The following FAN1 variants were observed in gnomAD, a reference collection of about 807,000 sequenced individuals.
The protein encoded by FAN1 is fanconi-associated nuclease 1.
In FAN1, 91 loss-of-function variants were observed where a neutral mutation model predicts 104.9. That is an observed-to-expected ratio of 0.87 (90% CI 0.73 to 1.03). The LOEUF (loss-of-function observed/expected upper bound fraction) is 1.03, where lower values mean the gene tolerates loss of function less well. Ranked by LOEUF, FAN1 falls within the 50% of genes least tolerant of loss-of-function variation. FAN1 has a pLI of 0.00. For synonymous variants in FAN1, 478 were observed against 457.6 expected, an observed-to-expected ratio of 1.04 and a Z score of -0.57; for missense variants, 1,263 against 1,239.9, an observed-to-expected ratio of 1.02 and a Z score of -0.28.
rs370522157 is a variant in FAN1 at position 30,913,849 on chromosome 15, A to G, written c.1578-9A>G. On this transcript the variant is annotated splice_polypyrimidine_tract_variant and intron_variant, in intron 4 of 14. Transcript: ENST00000362065. ...GCTAAAAGTTATTTCTACATTGTAC[A>G]TTTTTCAGAGCCAAAGCCTTGGCTG... The G allele has an allele frequency of 1.3e-5, 21 of 1,578,056 alleles. No individual in the cohort carries two copies. In the African/African-American group the frequency reaches 2.3e-4, roughly 17 times the overall value.
At chr15:30,906,008 T>C in intron 2 of FAN1, 111 bp downstream of exon 2, 1 of 987,830 alleles carries the variant, frequency 1.0e-6, no homozygotes, top group South Asian at 1.5e-5. Context: ...ACTGTGGTGT[T>C]GTGAGCACCC....
intron 5 of FAN1, 48 bp from the exon 6 acceptor site, chr15:30,918,116 A>AT: frequency 2.7e-5 from 44 of 1,606,354 alleles, no homozygotes; most frequent in Non-Finnish European, 3.7e-5. Context: ...TGGTCATTCT[A>AT]TGGGAATGCT....
rs1200398598 is a variant in FAN1, at chr15:30,942,630, T to TA, written c.*1071dup. 2 of 443,272 alleles carry TA rather than the reference T, an allele frequency of 4.5e-6. No homozygotes were observed. The highest frequency in any genetic ancestry group is 4.0e-5 in the African/African-American group (2 of 49,742). The allele number at this position is 443,272 out of a possible 1,614,324, so 27.5% of individuals were successfully genotyped here. A position where few individuals can be genotyped will look rare whatever the true frequency, so the allele number is the denominator to read the frequency against. Reference sequence around the variant, plus strand: ...GCGGCTTGAATCATCAAGAAATGGATAAATGGGGCTTTAGTAAATCAGGCT... The same window carrying TA: ...GCGGCTTGAATCATCAAGAAATGGATAAAATGGGGCTTTAGTAAATCAGGCT... On this transcript the variant is annotated 3_prime_UTR_variant, in exon 15 of 15. Transcript: ENST00000362065.
chr15:30,913,487 C>A (rs1187064567), intron 4 of FAN1, among the ~76,000 whole-genome samples: 1 of 152,166 alleles, frequency 6.6e-6, no homozygotes, highest in Non-Finnish European at 1.5e-5. Context: ...TAAAGAAATA[C>A]CATTATTTAA....
rs932887948 is a variant in FAN1 at position 30,919,475 on chromosome 15, G to A, written c.1944-1070G>A. On this transcript the variant is annotated intron_variant, in intron 6 of 14. Transcript: ENST00000362065. ...GGAGGCAGAGGTGAGTGGATCACTT[G>A]AGGTCAGGAGTTCGAGACTAGCCTG... Among the ~76,000 whole-genome samples the A allele has an allele frequency of 2.6e-5, 4 of 151,508 alleles. 1 individual carries two copies. Among genetic ancestry groups the A allele is most frequent in the Admixed American group, 2.0e-4 (3 of 15,212 alleles).
At position 30,939,793 on chromosome 15, in the gene FAN1, TAAG is replaced by T. The variant is rs2062978032; in HGVS notation, c.*4-1772_*4-1770del. 3.0e-6 allele frequency: 3 copies of T among 985,244 alleles called. No homozygotes were observed. In the African/African-American group the frequency reaches 5.2e-5, roughly 17 times the overall value. 61.0% of individuals were successfully genotyped at this position (985,244 alleles called of 1,614,324 possible). A position where few individuals can be genotyped will look rare whatever the true frequency, so the allele number is the denominator to read the frequency against. On this transcript the variant is annotated intron_variant, in intron 14 of 14. Transcript: ENST00000362065. ...AATGGCAGGATACGCTGTGGTGTTA[TAAG>T]GAGATTGGGTCTGGTTTCTAATCAA...
In FAN1 at chr15:30,905,508, G is replaced by A; in HGVS notation, c.845G>A (p.Ser282Asn). Residue 282 changes from serine to asparagine, a missense_variant, in exon 2 of 15, where the codon AGT becomes AAT. Physicochemically the swap from Ser to Asn is conservative, Grantham distance 46. This residue lies in a region of FAN1 where 682 missense variants were observed against 571.1 expected (regional missense o/e 1.19). Transcript: ENST00000362065. The part of the protein sequence containing the change: ...RNTLKSTSED[S>N]LVKQECIKEV... ...ACATTAAAGTCTACTTCAGAAGACA[G>A]TCTTGTAAAGCAAGAGTGTATCAAA... The A allele has an allele frequency of 1.2e-6, 2 of 1,614,084 alleles. No homozygotes were observed. The highest frequency in any genetic ancestry group is 1.7e-6 in the Non-Finnish European group (2 of 1,179,956).
intron 10 of FAN1, chr15:30,926,996 T>C (rs1423615273): frequency 1.0e-6 from 1 of 985,322 alleles, no homozygotes. Flanking sequence ...ATAACACAAA[T>C]GCACAGCATG....
intron 5 of FAN1, among the ~76,000 whole-genome samples, chr15:30,917,248 G>A (rs963299901): frequency 1.5e-4 from 23 of 152,240 alleles, no homozygotes; most frequent in African/African-American, 5.5e-4. Context: ...GTTGGTGCTG[G>A]AGGCGTCAGT....
rs1555403053 is a variant in FAN1, at chr15:30,929,717, T to TATA, written c.2787+321_2787+323dup. ...AAAATATATATTATATCATATATAA[T>TATA]ATATATAAAATATATAATATATTAT... is the stretch of plus-strand genomic sequence containing the variant. On this transcript the variant is annotated intron_variant, in intron 12 of 14. Transcript: ENST00000362065. Among the ~76,000 whole-genome samples, 53 of 64,328 alleles carry TATA rather than the reference T, an allele frequency of 8.2e-4. 2 individuals are homozygous for TATA. The highest frequency in any genetic ancestry group is 6.8e-3 in the Middle Eastern group (1 of 148). The allele number at this position is 64,328 out of a possible 152,430, so 42.2% of individuals were successfully genotyped here. A position where few individuals can be genotyped will look rare whatever the true frequency, so the allele number is the denominator to read the frequency against.
At chr15:30,928,001 T>A (rs889093653) in intron 10 of FAN1, 6 of 985,744 alleles carry the variant, frequency 6.1e-6, no homozygotes, top group Admixed American at 1.2e-4. Flanking sequence ...AAGCCTTGAC[T>A]ATCGGAAGCA....
Position 30,905,009 on chromosome 15 carries a change from T to A in FAN1, c.346T>A (p.Ser116Thr), listed in dbSNP as rs747262572. ...KTNLTPGQSD[S>T]AKREVKQKIS... The stretch of plus-strand genomic sequence containing the variant: ...AAATTTAACCCCTGGCCAAAGTGAT[T>A]CAGCAAAAAGGGAAGTAAAGCAGAA... The change falls in exon 2 of 15, where the codon TCA (serine) becomes ACA (threonine). Residue 116 changes from serine to threonine, a missense_variant. Ser to Thr is a moderately conservative substitution (Grantham distance 58). This residue lies in a region of FAN1 where 682 missense variants were observed against 571.1 expected (regional missense o/e 1.19). Transcript: ENST00000362065. The A allele has an allele frequency of 5.6e-6, 9 of 1,613,898 alleles. No individual in the cohort carries two copies. Among genetic ancestry groups the A allele is most frequent in the Non-Finnish European group, 7.6e-6 (9 of 1,180,008 alleles).
chr15:30,940,374 C>A (rs1435650547), intron 14 of FAN1: 3 of 985,388 alleles, frequency 3.0e-6, no homozygotes, highest in Non-Finnish European at 3.6e-6. Context: ...GCACTTCTGT[C>A]GCTATTCAAA....
chr15:30,913,819 A>G, intron 4 of FAN1, 39 bp from the exon 5 acceptor site: 1 of 1,381,942 alleles, frequency 7.2e-7, no homozygotes, highest in Non-Finnish European at 1.0e-6. Context: ...CCAAATGCTT[A>G]AAAAGCTAAA....
intron 13 of FAN1, 139 bp downstream of exon 13, chr15:30,930,810 G>C: frequency 9.4e-7 from 1 of 1,060,174 alleles, no homozygotes; most frequent in Non-Finnish European, 1.4e-6. Flanking sequence ...CTGGGTTCCT[G>C]TGGGCCTGTC....
Position 30,925,178 on chromosome 15 carries a change from C to T in FAN1, c.2224C>T (p.His742Tyr), listed in dbSNP as rs202237188. 2.5e-6 allele frequency: 4 copies of T among 1,614,018 alleles called. No individual in the cohort carries two copies. Among genetic ancestry groups the T allele is most frequent in the Middle Eastern group, 1.6e-4 (1 of 6,062 alleles). The change falls in exon 9 of 15, where the codon CAC becomes TAC. Residue 742 changes from histidine (H) to tyrosine (Y), a missense_variant. Physicochemically the swap from His to Tyr is moderately conservative, Grantham distance 83. Coordinates refer to ENST00000362065, the MANE Select transcript of FAN1 (RefSeq NM_014967.5). ...GGCGGATCCGGAAGTCAGAACGGGA[C>T]ACCGCCTTTCACTGTATCAGCGAGC... ...GLADPEVRTGHRLSLYQRAVR... is the reference protein window; with the variant it reads ...GLADPEVRTGYRLSLYQRAVR...
Position 30,904,794 on chromosome 15 carries a change from G to T in FAN1, c.131G>T (p.Cys44Phe), listed in dbSNP as rs1214643381. ...AATGCACCACCTGCTAAACTTGCCT[G>T]CCCCGTTTGCAGTAAAATGGTGCCT... ...FNNAPPAKLACPVCSKMVPRY... is the reference protein window; with the variant it reads ...FNNAPPAKLAFPVCSKMVPRY... Residue 44 changes from cysteine to phenylalanine, a missense_variant, in exon 2 of 15, where the codon TGC (cysteine) becomes TTC (phenylalanine). By Grantham distance (205) the Cys-to-Phe change is radical. Coordinates refer to ENST00000362065, the MANE Select transcript of FAN1 (RefSeq NM_014967.5). 3 of 1,613,580 alleles carry T rather than the reference G, an allele frequency of 1.9e-6. No homozygotes were observed. The highest frequency in any genetic ancestry group is 2.5e-6 in the Non-Finnish European group (3 of 1,179,644).
intron 14 of FAN1, chr15:30,940,730 C>CTATT: frequency 8.1e-6 from 8 of 989,730 alleles, no homozygotes; most frequent in Non-Finnish European, 9.6e-6. Flanking sequence ...TATGAAAAGC[C>CTATT]TATTTCAAAT....
intron 2 of FAN1, 113 bp downstream of exon 2, chr15:30,906,010 T>C: frequency 1.0e-6 from 1 of 973,836 alleles, no homozygotes; most frequent in Non-Finnish European, 1.6e-6. Flanking sequence ...TGTGGTGTTG[T>C]GAGCACCCTG....
Sources: gnomAD v4.1 joint callset for allele counts (sites outside exome capture counted in the v4.1 genomes callset) on GRCh38, gnomAD v4.1.1 for gene constraint, gnomAD v4.1.1 regional missense constraint, MANE v1.5 for transcripts, NCBI Gene and HGNC (gene_info 2026-07-23, HGNC 2026-07-21) for gene names.